ZBTB25: variants seen among roughly 807,000 people sequenced by gnomAD.
ZBTB25 encodes zinc finger and BTB domain-containing protein 25.
ZBTB25 carries 20 observed loss-of-function variants against 34.2 expected under a neutral mutation model. The ratio of observed to expected loss-of-function variants is 0.58; its 90% confidence interval spans 0.41 to 0.85. The LOEUF (loss-of-function observed/expected upper bound fraction) is 0.85, where lower values mean the gene tolerates loss of function less well. ZBTB25 is among the 40% of genes least tolerant of loss of function. The pLI is 0.00. For missense variants in ZBTB25, 437 were observed against 521.8 expected (o/e 0.84, Z 1.58); for synonymous variants, 175 against 186.4 (o/e 0.94, Z 0.50).
chr14:64,492,291 C>T (rs1299286787), intron 1 of ZBTB25, among the ~76,000 whole-genome samples: 1 of 151,876 alleles, frequency 6.6e-6, no homozygotes, highest in African/African-American at 2.4e-5. Context: ...ACTGCAACCT[C>T]CGCCTCCTGG....
rs2078897315 is a variant in ZBTB25 at position 64,487,209 on chromosome 14, A to G, written c.1022T>C (p.Phe341Ser). 6.2e-7 allele frequency: 1 copy of G among 1,614,054 alleles called. No individual in the cohort carries two copies. The highest frequency in any genetic ancestry group is 1.1e-5 in the South Asian group (1 of 91,086). ...DTEPVELNCN[F>S]SFSRKRKMSC... ...CATTTTTCTTTTCCTTGAAAAAGAAAAATTACAGTTTAATTCTACTGGCTC... is the reference window on the plus strand; with the variant it reads ...CATTTTTCTTTTCCTTGAAAAAGAAGAATTACAGTTTAATTCTACTGGCTC... The change falls in exon 3 of 3, where the codon TTT becomes TCT. Residue 341 changes from phenylalanine to serine, a missense_variant. Coordinates refer to ENST00000608382, the MANE Select transcript of ZBTB25 (RefSeq NM_006977.5).
chr14:64,469,255 T>C, intron 2 of ZBTB25: 1 of 1,613,696 alleles, frequency 6.2e-7, no homozygotes, highest in Non-Finnish European at 8.5e-7. Context: ...CCCTAGAAAG[T>C]GCACCAAATG....
chr14:64,503,249 C>T lies in ZBTB25; in HGVS notation c.-8+412G>A, dbSNP rs2140037966. 3.0e-6 allele frequency: 3 copies of T among 985,484 alleles called. No homozygotes were observed. The African/African-American group carries it at 5.2e-5, about 17-fold the overall frequency. The allele number at this position is 985,484 out of a possible 1,614,324, so 61.0% of individuals were successfully genotyped here. On this transcript the variant is annotated intron_variant, in intron 1 of 2. Coordinates refer to ENST00000608382, the MANE Select transcript of ZBTB25 (RefSeq NM_006977.5). ...CACAAGCTGGGAGTGGAAACAGTAG[C>T]CGCAGCGTCCTCCCAGCATCTGGAA...
intron 2 of ZBTB25, chr14:64,467,330 A>G (rs547541785): frequency 1.8e-4 from 27 of 152,310 alleles, no homozygotes; most frequent in African/African-American, 6.3e-4. Context: ...GATGTATGTA[A>G]AAGTGCATGC....
chr14:64,452,087 G>A (rs2078382657), intron 2 of ZBTB25, among the ~76,000 whole-genome samples: 1 of 152,176 alleles, frequency 6.6e-6, no homozygotes, highest in Non-Finnish European at 1.5e-5. Flanking sequence ...CCTAAGGTCA[G>A]GAGTTCGAGA....
rs533722463 is a variant in ZBTB25, at chr14:64,451,757, G to T, written c.174-2119C>A. On this transcript the variant is annotated intron_variant, in intron 2 of 2. Transcript: ENST00000555220. ...AGGCTGCCACTTTTTGTCTTACTCAGCGTCTGCTAGTCTTAAATCACCCTT... is the reference window on the plus strand; with the variant it reads ...AGGCTGCCACTTTTTGTCTTACTCATCGTCTGCTAGTCTTAAATCACCCTT... Among the ~76,000 whole-genome samples the T allele has an allele frequency of 2.6e-5, 4 of 152,308 alleles. No homozygotes were observed. The South Asian group carries it at 8.3e-4, about 32-fold the overall frequency.
chr14:64,503,993 A>G (rs1191040559), upstream of ZBTB25: 1 of 152,232 alleles, frequency 6.6e-6, no homozygotes, highest in African/African-American at 2.4e-5. Context: ...CATAGGGACA[A>G]GCCTGAGCGT....
chr14:64,496,605 C>T (rs942273983), intron 1 of ZBTB25, among the ~76,000 whole-genome samples: 4 of 151,878 alleles, frequency 2.6e-5, no homozygotes, highest in Admixed American at 2.0e-4. Flanking sequence ...AGCAATAAAC[C>T]CATTACATAT....
intron 1 of ZBTB25, among the ~76,000 whole-genome samples, chr14:64,491,750 A>G (rs1014775241): frequency 6.6e-6 from 1 of 152,156 alleles, no homozygotes; most frequent in Non-Finnish European, 1.5e-5. Context: ...TATAAAGGGC[A>G]TCATTGGGTG....
Position 64,492,283 on chromosome 14 carries a change from T to C in ZBTB25, c.-7-1743A>G, listed in dbSNP as rs150825878. 7.0e-3 allele frequency among the ~76,000 whole-genome samples: 1,071 copies of C among 152,098 alleles called. 16 individuals carry two copies. Among genetic ancestry groups the C allele is most frequent in the African/African-American group, 0.024 (1,002 of 41,512 alleles). On this transcript the variant is annotated intron_variant, in intron 1 of 2. Transcript: ENST00000608382. ...GTGCAACGGCTCCATCTCGGCTTAC[T>C]GCAACCTCCGCCTCCTGGGTTTAAG...
intron 2 of ZBTB25, chr14:64,469,662 A>G: frequency 5.7e-6 from 9 of 1,583,804 alleles, no homozygotes; most frequent in Non-Finnish European, 7.7e-6. Context: ...AATAAAATAA[A>G]CAATCTTCTA....
chr14:64,459,058 G>A (rs1170717175), intron 2 of ZBTB25, among the ~76,000 whole-genome samples: 1 of 152,210 alleles, frequency 6.6e-6, no homozygotes, highest in Non-Finnish European at 1.5e-5. Flanking sequence ...GCAATAAGAA[G>A]CTTTTAGACA....
intron 2 of ZBTB25, among the ~76,000 whole-genome samples, chr14:64,453,358 G>A (rs35749741): frequency 3.3e-5 from 5 of 152,172 alleles, no homozygotes; most frequent in Admixed American, 1.3e-4. Context: ...GATCACCTGA[G>A]GTTGGGAGTT....
In ZBTB25 at chr14:64,478,112, C is replaced by T. The variant is rs115137707; in HGVS notation, c.*8811G>A. On this transcript the variant is annotated 3_prime_UTR_variant, in exon 3 of 3. Transcript: ENST00000608382. Reference sequence around the variant, plus strand: ...ATCACCAAATTGTTTCAATGAAAAACGTTTCAAACAGCGGAAGAGAATGTA... The same window carrying T: ...ATCACCAAATTGTTTCAATGAAAAATGTTTCAAACAGCGGAAGAGAATGTA... The T allele has an allele frequency of 1.3e-5, 2 of 152,282 alleles. No homozygotes were observed. The highest frequency in any genetic ancestry group is 4.8e-5 in the African/African-American group (2 of 41,556). The allele number at this position is 152,282 out of a possible 1,614,324, so 9.4% of individuals were successfully genotyped here.
intron 2 of ZBTB25, among the ~76,000 whole-genome samples, chr14:64,450,933 C>T (rs539908495): frequency 6.5e-4 from 99 of 152,102 alleles, no homozygotes; most frequent in African/African-American, 2.2e-3. Flanking sequence ...TTTGGGAGGC[C>T]GAGGTGGGTG....
At chr14:64,500,430 T>C (rs1378758257) in intron 1 of ZBTB25, among the ~76,000 whole-genome samples, 6 of 84,128 alleles carry the variant, frequency 7.1e-5, no homozygotes, top group Non-Finnish European at 1.1e-4. Flanking sequence ...CTGAACACTC[T>C]AAGCACTTTT....
Position 64,480,240 on chromosome 14 carries a change from T to A in ZBTB25, c.*6683A>T. ...CGGGAGGCTGAGGCAGGAGAATAGC[T>A]TGAACCTGGGATGTGAAGGTTGCAG... On this transcript the variant is annotated 3_prime_UTR_variant, in exon 3 of 3. Coordinates refer to ENST00000608382, the MANE Select transcript of ZBTB25 (RefSeq NM_006977.5). 1 of 303,316 alleles carries A rather than the reference T, an allele frequency of 3.3e-6. No individual in the cohort carries two copies. Among genetic ancestry groups the A allele is most frequent in the Non-Finnish European group, 6.4e-6 (1 of 155,806 alleles). The allele number at this position is 303,316 out of a possible 1,614,324, so 18.8% of individuals were successfully genotyped here.
chr14:64,486,351 T>A lies in ZBTB25; in HGVS notation c.*572A>T. Reference sequence around the variant, plus strand: ...TGTTAAAAAGTAAAGAGAAGCCATGTAGGTAAGATGTTGTGGAGCTAGTAG... The same window carrying A: ...TGTTAAAAAGTAAAGAGAAGCCATGAAGGTAAGATGTTGTGGAGCTAGTAG... On this transcript the variant is annotated 3_prime_UTR_variant, in exon 3 of 3. Transcript: ENST00000608382. 1 of 985,296 alleles carries A rather than the reference T, an allele frequency of 1.0e-6. No individual in the cohort carries two copies. The highest frequency in any genetic ancestry group is 1.2e-6 in the Non-Finnish European group (1 of 829,892). 61.0% of individuals were successfully genotyped at this position (985,296 alleles called of 1,614,324 possible).
chr14:64,503,524 G>C (rs2079568923), intron 1 of ZBTB25, 137 bp downstream of exon 1: 22 of 985,718 alleles, frequency 2.2e-5, no homozygotes, highest in Non-Finnish European at 2.5e-5. Context: ...CATCTCAATC[G>C]GACCAAAAAC....
Sources: allele counts gnomAD v4.1 joint callset (sites outside exome capture counted in the v4.1 genomes callset), GRCh38; gene constraint gnomAD v4.1.1; transcripts MANE v1.5; gene names NCBI Gene and HGNC (gene_info 2026-07-23, HGNC 2026-07-21).